SLC13A3: variants seen among roughly 807,000 people sequenced by gnomAD.
SLC13A3 encodes the protein Na(+)/dicarboxylate cotransporter 3.
SLC13A3 carries 40 observed loss-of-function variants against 59.0 expected under a neutral mutation model. The ratio of observed to expected loss-of-function variants is 0.68; its 90% CI spans 0.53 to 0.88. The LOEUF is 0.88. Among genes scored for constraint, SLC13A3 ranks in the 40% least tolerant of loss-of-function variants. The pLI, the probability that SLC13A3 is intolerant of heterozygous loss-of-function variation, is 0.00. For missense variants in SLC13A3, 699 were observed against 783.2 expected, an observed-to-expected ratio of 0.89 and a Z score of 1.28; for synonymous variants, 317 against 330.3, an observed-to-expected ratio of 0.96 and a Z score of 0.44.
intron 8 of SLC13A3, chr20:46,584,212 G>A: frequency 6.1e-6 from 6 of 985,406 alleles, no homozygotes; most frequent in Non-Finnish European, 7.2e-6. Flanking sequence ...AGCCCTCGGG[G>A]CAGGCACTTT....
At chr20:46,608,275 T>C (rs1311587671) in intron 3 of SLC13A3, among the ~76,000 whole-genome samples, 4 of 152,224 alleles carry the variant, frequency 2.6e-5, no homozygotes, top group South Asian at 2.1e-4. Flanking sequence ...AAAAATTATA[T>C]GAAATTTTAA....
upstream of SLC13A3, among the ~76,000 whole-genome samples, chr20:46,652,968 T>C (rs542938499): frequency 6.6e-6 from 1 of 152,348 alleles, no homozygotes; most frequent in Admixed American, 6.5e-5. Flanking sequence ...TAGTAATAGC[T>C]CATTGTGGTT....
At chr20:46,595,089 T>C (rs1004766337) in intron 5 of SLC13A3, among the ~76,000 whole-genome samples, 1 of 152,238 alleles carries the variant, frequency 6.6e-6, no homozygotes, top group African/African-American at 2.4e-5. Context: ...TCAAATACTA[T>C]TTGGTGTCCT....
Position 46,651,445 on chromosome 20 carries a change from G to A in SLC13A3, c.-24C>T. The A allele has an allele frequency of 6.9e-7, 1 of 1,457,508 alleles. No homozygotes were observed. Among genetic ancestry groups the A allele is most frequent in the Non-Finnish European group, 9.0e-7 (1 of 1,112,486 alleles). The allele number at this position is 1,457,508 out of a possible 1,614,324, so 90.3% of individuals were successfully genotyped here. On this transcript the variant is annotated 5_prime_UTR_variant, in exon 1 of 13. Coordinates refer to ENST00000279027, the MANE Select transcript of SLC13A3 (RefSeq NM_022829.6). The stretch of plus-strand genomic sequence containing the variant: ...ATCAGCGCGATCGCCTGGCGGTACG[G>A]GCCGGCCCGGGACTGCCCCGCCTGG...
intron 10 of SLC13A3, among the ~76,000 whole-genome samples, chr20:46,573,072 C>T (rs927597680): frequency 1.3e-5 from 2 of 152,342 alleles, no homozygotes; most frequent in East Asian, 1.9e-4. Context: ...AAAATGGAGA[C>T]AAATAACAGT....
chr20:46,578,380 CAAAT>C (rs1366121706), intron 9 of SLC13A3, among the ~76,000 whole-genome samples: 1 of 151,806 alleles, frequency 6.6e-6, no homozygotes, highest in African/African-American at 2.4e-5. Context: ...AGGTGATAAA[CAAAT>C]AAATATACTG....
At chr20:46,603,783 T>A (rs73113752) in intron 3 of SLC13A3, among the ~76,000 whole-genome samples, 7 of 151,340 alleles carry the variant, frequency 4.6e-5, no homozygotes, top group African/African-American at 1.7e-4. Context: ...TATTCTTAGC[T>A]CCCAGGCTGT....
chr20:46,564,786 C>T (rs140655814), intron 11 of SLC13A3, among the ~76,000 whole-genome samples: 2 of 152,330 alleles, frequency 1.3e-5, no homozygotes, highest in East Asian at 3.9e-4. Flanking sequence ...GGTGACACGT[C>T]ATTGTTGAGT....
intron 10 of SLC13A3, among the ~76,000 whole-genome samples, chr20:46,567,840 A>G (rs889508980): frequency 6.6e-6 from 1 of 152,176 alleles, no homozygotes; most frequent in African/African-American, 2.4e-5. Flanking sequence ...AATATGCTCA[A>G]TGCTGTCCCC....
chr20:46,606,436 C>A (rs2062438080), intron 3 of SLC13A3, among the ~76,000 whole-genome samples: 1 of 152,182 alleles, frequency 6.6e-6, no homozygotes, highest in Non-Finnish European at 1.5e-5. Flanking sequence ...ATTAAAGACC[C>A]TTGTGTTGTG....
At position 46,651,323 on chromosome 20, in the gene SLC13A3, G is replaced by A; in HGVS notation, c.99C>T (p.Ala33=). The A allele has an allele frequency of 6.6e-7, 1 of 1,513,012 alleles. No individual in the cohort carries two copies. The allele number at this position is 1,513,012 out of a possible 1,614,324, so 93.7% of individuals were successfully genotyped here. Residue 33 remains alanine, a synonymous_variant, in exon 1 of 13, where the codon GCC becomes GCT. Transcript: ENST00000279027. ...TPLALLPVVF[A]LPPKEGRCLF... is the part of the protein sequence containing the mutation. ...GAGGAGGCGTTACCTTGGGCGGGAGGGCGAAGACCACCGGCAGCAGCGCGA... is the reference window on the plus strand; with the variant it reads ...GAGGAGGCGTTACCTTGGGCGGGAGAGCGAAGACCACCGGCAGCAGCGCGA...
At chr20:46,572,077 C>T (rs2062033408) in intron 10 of SLC13A3, among the ~76,000 whole-genome samples, 1 of 152,134 alleles carries the variant, frequency 6.6e-6, no homozygotes, top group African/African-American at 2.4e-5. Context: ...CAGGAGAAAA[C>T]TGTAGTGAGG....
intron 8 of SLC13A3, among the ~76,000 whole-genome samples, chr20:46,584,824 C>A (rs1258910864): frequency 6.6e-6 from 1 of 152,024 alleles, no homozygotes; most frequent in Non-Finnish European, 1.5e-5. Context: ...AGATTATGTG[C>A]AACGATGTTC....
chr20:46,613,728 G>A lies in SLC13A3; in HGVS notation c.112-3C>T, dbSNP rs1212098194. 1.9e-6 allele frequency: 3 copies of A among 1,593,176 alleles called. No individual in the cohort carries two copies. The highest frequency in any genetic ancestry group is 4.6e-5 in the East Asian group (2 of 43,548). On this transcript the variant is annotated splice_region_variant and splice_polypyrimidine_tract_variant and intron_variant, in intron 1 of 12. Coordinates refer to ENST00000279027, the MANE Select transcript of SLC13A3 (RefSeq NM_022829.6). ...ATGACAAACAAGCAGCGGCCTTCCTGCAGGAGGAGATGCATGCTCAGAGGG... is the reference window on the plus strand; with the variant it reads ...ATGACAAACAAGCAGCGGCCTTCCTACAGGAGGAGATGCATGCTCAGAGGG...
At position 46,588,212 on chromosome 20, in the gene SLC13A3, A is replaced by C. The variant is rs752898711; in HGVS notation, c.1017-49T>G. On this transcript the variant is annotated intron_variant, in intron 7 of 12. Coordinates refer to ENST00000279027, the MANE Select transcript of SLC13A3 (RefSeq NM_022829.6). ...GATGGTGACCCCGGGTTTCAGGCAG[A>C]CCGCAGCAGGCACAGGCTCAGGCAG... 3.4e-6 allele frequency: 4 copies of C among 1,188,232 alleles called. No homozygotes were observed. The African/African-American group carries it at 6.0e-5, about 18-fold the overall frequency. 73.6% of individuals were successfully genotyped at this position (1,188,232 alleles called of 1,614,324 possible). A position where few individuals can be genotyped will look rare whatever the true frequency, so the allele number is the denominator to read the frequency against.
chr20:46,567,847 C>A (rs938908766), intron 10 of SLC13A3, among the ~76,000 whole-genome samples: 1 of 152,162 alleles, frequency 6.6e-6, no homozygotes, highest in Non-Finnish European at 1.5e-5. Context: ...TCAATGCTGT[C>A]CCCTGGTGCA....
At chr20:46,636,658 C>T (rs1186301812) in intron 1 of SLC13A3, among the ~76,000 whole-genome samples, 1 of 152,146 alleles carries the variant, frequency 6.6e-6, no homozygotes, top group South Asian at 2.1e-4. Flanking sequence ...ATGAGAAAAC[C>T]GAGGCTGGCA....
chr20:46,666,472 TTTGTTGTTGTTGTTGTTGTTGTTG>T (rs11469962), intron 1 of SLC13A3, among the ~76,000 whole-genome samples: 29 of 149,438 alleles, frequency 1.9e-4, no homozygotes, highest in African/African-American at 7.2e-4. Flanking sequence ...GTTTTGTTGC[TTTGTTGTTGTTGTTGTTGTTGTTG>T]TTGTTGTTGT....
intron 1 of SLC13A3, among the ~76,000 whole-genome samples, chr20:46,647,490 G>T (rs996218026): frequency 6.6e-6 from 1 of 152,098 alleles, no homozygotes; most frequent in African/African-American, 2.4e-5. Flanking sequence ...GGCCATTCTT[G>T]GAAAACGTTG....
Sources: gnomAD v4.1 joint callset for allele counts (sites outside exome capture counted in the v4.1 genomes callset) on GRCh38, gnomAD v4.1.1 for gene constraint, MANE v1.5 for transcripts, NCBI Gene and HGNC (gene_info 2026-07-23, HGNC 2026-07-21) for gene names.